The following PI4KB variants were observed in gnomAD, a reference collection of about 807,000 sequenced individuals.
PI4KB encodes the protein PtdIns 4-kinase beta.
In PI4KB, 23 loss-of-function variants were observed where a neutral mutation model predicts 81.4. The observed-to-expected ratio is 0.28, with a 90% CI of 0.20 to 0.40. The LOEUF (loss-of-function observed/expected upper bound fraction) is 0.40, where lower values mean the gene tolerates loss of function less well. Ranked by LOEUF, PI4KB falls within the 10% of genes least tolerant of loss-of-function variation. PI4KB has a pLI of 1.00. For missense variants in PI4KB, 651 were observed against 1,036.6 expected, an observed-to-expected ratio of 0.63 and a Z score of 5.11; for synonymous variants, 381 against 406.8, an observed-to-expected ratio of 0.94 and a Z score of 0.76.
Position 151,316,470 on chromosome 1 carries a change from T to C in PI4KB, c.12A>G (p.Thr4=). 2 of 1,531,890 alleles carry C rather than the reference T, an allele frequency of 1.3e-6. No individual in the cohort carries two copies. Among genetic ancestry groups the C allele is most frequent in the South Asian group, 1.3e-5 (1 of 76,458 alleles). 94.9% of individuals were successfully genotyped at this position (1,531,890 alleles called of 1,614,324 possible). The change falls in exon 2 of 12, where the codon ACA becomes ACG. Residue 4 remains threonine, a synonymous_variant. Coordinates refer to ENST00000368873, the MANE Select transcript of PI4KB (RefSeq NM_001369623.2). MGD[T]VVEPAPLKPT... is the part of the protein sequence containing the mutation. Reference sequence around the variant, plus strand: ...GCTTCAAGGGGGCAGGCTCCACTACTGTATCTCCCATGGCCACAGCCAGAC... The same window carrying C: ...GCTTCAAGGGGGCAGGCTCCACTACCGTATCTCCCATGGCCACAGCCAGAC...
rs775139086 is a variant in PI4KB, at chr1:151,306,226, C to T, written c.1320G>A (p.Glu440=). The T allele has an allele frequency of 6.2e-7, 1 of 1,614,166 alleles. No individual in the cohort carries two copies. Among genetic ancestry groups the T allele is most frequent in the Non-Finnish European group, 8.5e-7 (1 of 1,180,042 alleles). ...CAGTGCTGAAGCTGCCAGCTCGCTG[C>T]TCATGGGTAATACCACATTCGGGCA... ...ENLPECGITH[E]QRAGSFSTVP... The change falls in exon 5 of 12, where the codon GAG becomes GAA. Residue 440 remains glutamate (E), a synonymous_variant. Coordinates refer to ENST00000368873, the MANE Select transcript of PI4KB (RefSeq NM_001369623.2).
At chr1:151,299,133 T>G in intron 8 of PI4KB, 60 bp from the exon 9 acceptor site, 1 of 1,478,050 alleles carries the variant, frequency 6.8e-7, no homozygotes, top group Non-Finnish European at 9.4e-7. Context: ...AGAAGAAGGC[T>G]AAAACTCTTC....
chr1:151,313,758 G>A (rs1437187676), intron 2 of PI4KB, among the ~76,000 whole-genome samples: 1 of 152,234 alleles, frequency 6.6e-6, no homozygotes, highest in Non-Finnish European at 1.5e-5. Context: ...GGATGTGGAA[G>A]CTCAGATGGC....
chr1:151,298,667 A>G (rs1370087793), intron 9 of PI4KB, 141 bp downstream of exon 9: 5 of 900,764 alleles, frequency 5.6e-6, no homozygotes, highest in Non-Finnish European at 8.6e-6. Flanking sequence ...TCATGGGAAC[A>G]CATCTGTCTC....
chr1:151,294,237 C>G (rs1392071850), intron 10 of PI4KB, 99 bp from the exon 11 acceptor site: 24 of 1,511,074 alleles, frequency 1.6e-5, no homozygotes, highest in Non-Finnish European at 2.0e-5. Flanking sequence ...TCTTGGGGCC[C>G]TGTTATTTCC....
At chr1:151,293,626 A>G in intron 11 of PI4KB, 1 of 311,700 alleles carries the variant, frequency 3.2e-6, no homozygotes, top group Non-Finnish European at 6.4e-6. Flanking sequence ...GAGGGGAAAT[A>G]CTTCTCAGAG....
chr1:151,298,423 A>G lies in PI4KB; in HGVS notation c.2015+385T>C, dbSNP rs587734783. 6 of 206,002 alleles carry G rather than the reference A, an allele frequency of 2.9e-5. No homozygotes were observed. The East Asian group carries it at 7.8e-4, about 27-fold the overall frequency. 12.8% of individuals were successfully genotyped at this position (206,002 alleles called of 1,614,324 possible). ...GAAGGCCCTTCTTCAACTGGCCTCA[A>G]TTTACCTGCCTCATGGTACCACCTC... On this transcript the variant is annotated intron_variant, in intron 9 of 11. Transcript: ENST00000368873.
rs1557792249 is a variant in PI4KB, at chr1:151,302,273, G to A, written c.1546C>T (p.His516Tyr). Residue 516 changes from histidine to tyrosine, a missense_variant, in exon 7 of 12, where the codon CAT becomes TAT. Physicochemically the swap from His to Tyr is moderately conservative, Grantham distance 83. Coordinates refer to ENST00000368873, the MANE Select transcript of PI4KB (RefSeq NM_001369623.2). ...IRRRLSEQLA[H>Y]TPTAFKRDPE... is the part of the protein sequence containing the mutation. ...TCTCGTTTGAAGGCTGTCGGGGTAT[G>A]AGCCAGCTGTTCCGAAAGGCGCCGG... 1 of 1,614,142 alleles carries A rather than the reference G, an allele frequency of 6.2e-7. No individual in the cohort carries two copies.
chr1:151,327,216 A>AGGGGGGCCCC (rs1649760785), intron 1 of PI4KB, 55 bp downstream of exon 1: 2 of 103,980 alleles, frequency 1.9e-5, no homozygotes, highest in Non-Finnish European at 1.8e-5. Flanking sequence ...TGGGAGAGGG[A>AGGGGGGCCCC]CCCCCCCCCC....
chr1:151,322,231 G>T (rs2102018128), intron 1 of PI4KB, among the ~76,000 whole-genome samples: 1 of 152,330 alleles, frequency 6.6e-6, no homozygotes, highest in African/African-American at 2.4e-5. Flanking sequence ...ACTGGGCAAA[G>T]TAGGGAATTC....
At chr1:151,301,205 C>G (rs1695246394) in intron 8 of PI4KB, among the ~76,000 whole-genome samples, 1 of 152,034 alleles carries the variant, frequency 6.6e-6, no homozygotes, top group African/African-American at 2.4e-5. Context: ...TGGAGTTGGG[C>G]TGAGTTTCCC....
At chr1:151,300,934 G>A (rs1695216104) in intron 8 of PI4KB, 1 of 152,394 alleles carries the variant, frequency 6.6e-6, no homozygotes, top group Non-Finnish European at 1.5e-5. Flanking sequence ...CTGACTAGCT[G>A]AGACTACAGG....
In PI4KB at chr1:151,307,710, G is replaced by A. The variant is rs1695898353; in HGVS notation, c.1046C>T (p.Thr349Ile). The A allele has an allele frequency of 6.2e-7, 1 of 1,614,164 alleles. No individual in the cohort carries two copies. Among genetic ancestry groups the A allele is most frequent in the Non-Finnish European group, 8.5e-7 (1 of 1,180,010 alleles). The change falls in exon 4 of 12, where the codon ACA becomes ATA. Residue 349 changes from threonine (T) to isoleucine (I), a missense_variant. This residue lies in a region of PI4KB where 246 missense variants were observed against 430.1 expected (regional missense o/e 0.57). Coordinates refer to ENST00000368873, the MANE Select transcript of PI4KB (RefSeq NM_001369623.2). ...GGAGAGCTCTGAGATCAGCCTCTGTGTTTTCTGCTCTTTGGTGGGGAGCGT... is the reference window on the plus strand; with the variant it reads ...GGAGAGCTCTGAGATCAGCCTCTGTATTTTCTGCTCTTTGGTGGGGAGCGT... ...LATLPTKEQKTQRLISELSLL... is the reference protein window; with the variant it reads ...LATLPTKEQKIQRLISELSLL...
chr1:151,309,566 A>ACCAAAGGGTCAGGGGTTAGT (rs1181943636), intron 3 of PI4KB, among the ~76,000 whole-genome samples: 1 of 152,182 alleles, frequency 6.6e-6, no homozygotes, highest in African/African-American at 2.4e-5. Flanking sequence ...ACCCTGTGGG[A>ACCAAAGGGTCAGGGGTTAGT]CCAAAGGGTC....
At chr1:151,302,938 G>A (rs587738719) in intron 6 of PI4KB, among the ~76,000 whole-genome samples, 26 of 149,370 alleles carry the variant, frequency 1.7e-4, no homozygotes, top group Admixed American at 9.3e-4. Flanking sequence ...TGACACAGTC[G>A]CTTTGAGACC....
intron 2 of PI4KB, among the ~76,000 whole-genome samples, chr1:151,315,146 T>C (rs1196948636): frequency 6.6e-6 from 1 of 152,034 alleles, no homozygotes; most frequent in Admixed American, 6.6e-5. Context: ...GCCTGGCTAA[T>C]TTTTGTATTT....
rs1694627739 is a variant in PI4KB, at chr1:151,294,559, A to T, written c.2016-18T>A. On this transcript the variant is annotated intron_variant, in intron 9 of 11. Coordinates refer to ENST00000368873, the MANE Select transcript of PI4KB (RefSeq NM_001369623.2). ...CATTGTGTCTGAGGAGGGGGAATAG[A>T]GGAGAGGAAGAGGCAGTAGTCAGTC... The T allele has an allele frequency of 6.2e-7, 1 of 1,613,590 alleles. No individual in the cohort carries two copies. The highest frequency in any genetic ancestry group is 1.7e-5 in the Admixed American group (1 of 59,992).
intron 9 of PI4KB, among the ~76,000 whole-genome samples, chr1:151,296,403 C>T (rs1694794943): frequency 6.6e-6 from 1 of 152,056 alleles, no homozygotes; most frequent in Non-Finnish European, 1.5e-5. Context: ...AAACACGTGT[C>T]TGACAGGGTT....
rs1474887275 is a variant in PI4KB at position 151,306,512 on chromosome 1, G to A, written c.1183-149C>T. On this transcript the variant is annotated intron_variant, in intron 4 of 11. Transcript: ENST00000368873. ...CTGAAACTATGAACACTATATTTAGGGCAGATACTTGTCCTATGATCACCT... is the reference window on the plus strand; with the variant it reads ...CTGAAACTATGAACACTATATTTAGAGCAGATACTTGTCCTATGATCACCT... The A allele has an allele frequency of 1.9e-5, 12 of 618,400 alleles. No individual in the cohort carries two copies. In the East Asian group the frequency reaches 3.3e-4, roughly 17 times the overall value. 38.3% of individuals were successfully genotyped at this position (618,400 alleles called of 1,614,324 possible). A position where few individuals can be genotyped will look rare whatever the true frequency, so the allele number is the denominator to read the frequency against.
Sources: gnomAD v4.1 joint callset for allele counts (sites outside exome capture counted in the v4.1 genomes callset) on GRCh38, gnomAD v4.1.1 for gene constraint, gnomAD v4.1.1 regional missense constraint, MANE v1.5 for transcripts, NCBI Gene and HGNC (gene_info 2026-07-23, HGNC 2026-07-21) for gene names.